The following GRM8 variants were observed in gnomAD, a reference collection of about 807,000 sequenced individuals.
GRM8 encodes glutamate metabotropic receptor 8, also known as metabotropic glutamate receptor 8.
In GRM8, 47 loss-of-function variants were observed where a neutral mutation model predicts 87.2. That is an observed-to-expected ratio of 0.54 (90% CI 0.43 to 0.69). The LOEUF is 0.69. Ranked by LOEUF, GRM8 falls within the 30% of genes least tolerant of loss-of-function variation. The pLI, the probability that GRM8 is intolerant of heterozygous loss-of-function variation, is 0.00. For synonymous variants in GRM8, 396 were observed against 404.5 expected, an observed-to-expected ratio of 0.98 and a Z score of 0.25; for missense variants, 1,019 against 1,139.2, an observed-to-expected ratio of 0.89 and a Z score of 1.52.
At chr7:127,160,693 C>T (rs1793052527) in intron 2 of GRM8, among the ~76,000 whole-genome samples, 1 of 152,018 alleles carries the variant, frequency 6.6e-6, no homozygotes, top group South Asian at 2.1e-4. Flanking sequence ...GAGAAAAAAG[C>T]AGTTTTCTGG....
intron 3 of GRM8, among the ~76,000 whole-genome samples, chr7:126,918,163 T>C (rs918694483): frequency 2.0e-5 from 3 of 152,232 alleles, no homozygotes; most frequent in South Asian, 2.1e-4. Flanking sequence ...TAAGATTTAC[T>C]GGTTCTTGCC....
At chr7:126,585,114 T>C (rs1456943881) in intron 8 of GRM8, among the ~76,000 whole-genome samples, 1 of 152,122 alleles carries the variant, frequency 6.6e-6, no homozygotes, top group Non-Finnish European at 1.5e-5. Flanking sequence ...ACAAACTTAT[T>C]AGAGTACCTT....
At chr7:126,655,976 C>T (rs28491014) in intron 7 of GRM8, among the ~76,000 whole-genome samples, 5,615 of 152,236 alleles carry the variant, frequency 0.037, 268 homozygotes, top group African/African-American at 0.11. Flanking sequence ...CTACTCAACC[C>T]TTTCTTCATA....
intron 7 of GRM8, among the ~76,000 whole-genome samples, chr7:126,675,554 GGT>G (rs1261860803): frequency 6.6e-6 from 1 of 152,056 alleles, no homozygotes; most frequent in Non-Finnish European, 1.5e-5. Context: ...CGATCAAGTG[GGT>G]TTCATCCTAA....
chr7:127,077,124 G>T (rs141089338), intron 3 of GRM8, among the ~76,000 whole-genome samples: 2 of 152,256 alleles, frequency 1.3e-5, no homozygotes, highest in Admixed American at 6.5e-5. Flanking sequence ...TGGAGTGTGT[G>T]TGCAGATGTG....
chr7:126,499,263 C>T (rs773976462), intron 9 of GRM8, among the ~76,000 whole-genome samples: 1 of 151,464 alleles, frequency 6.6e-6, no homozygotes, highest in Non-Finnish European at 1.5e-5. Flanking sequence ...AATGAGATGT[C>T]ACCTTCTACC....
chr7:126,908,450 T>C (rs1338073544), intron 3 of GRM8, among the ~76,000 whole-genome samples: 3 of 152,146 alleles, frequency 2.0e-5, no homozygotes, highest in Non-Finnish European at 2.9e-5. Flanking sequence ...TAGGGAACAA[T>C]AGCTGTTTCA....
chr7:126,826,334 A>C lies in GRM8; in HGVS notation c.1157-56269T>G, dbSNP rs1238091450. Among the ~76,000 whole-genome samples the C allele has an allele frequency of 1.2e-4, 18 of 152,282 alleles. No individual in the cohort carries two copies. In the East Asian group the frequency reaches 1.7e-3, roughly 15 times the overall value. On this transcript the variant is annotated intron_variant, in intron 6 of 10. Transcript: ENST00000339582. Reference sequence around the variant, plus strand: ...ATGGTTGAACTAGTTTACAGTCCCAACAACAGTGTAAAAGTTTCCTATTTC... The same window carrying C: ...ATGGTTGAACTAGTTTACAGTCCCACCAACAGTGTAAAAGTTTCCTATTTC...
At chr7:126,800,654 G>T (rs1822567377) in intron 6 of GRM8, among the ~76,000 whole-genome samples, 1 of 152,180 alleles carries the variant, frequency 6.6e-6, no homozygotes, top group East Asian at 1.9e-4. Flanking sequence ...TGGTATCCCA[G>T]CCAATAATTT....
intron 3 of GRM8, among the ~76,000 whole-genome samples, chr7:127,017,275 T>G (rs532259052): frequency 6.6e-6 from 1 of 152,154 alleles, no homozygotes; most frequent in East Asian, 1.9e-4. Flanking sequence ...CCAAATTATC[T>G]AAATTGATTA....
chr7:126,600,070 A>G (rs1257945120), intron 8 of GRM8, among the ~76,000 whole-genome samples: 1 of 152,206 alleles, frequency 6.6e-6, no homozygotes, highest in Non-Finnish European at 1.5e-5. Flanking sequence ...CTATGTCAAG[A>G]AACTATCCAG....
chr7:126,483,543 C>T (rs1806975990), intron 9 of GRM8, among the ~76,000 whole-genome samples: 1 of 120,596 alleles, frequency 8.3e-6, no homozygotes, highest in Admixed American at 1.1e-4. Flanking sequence ...CTGACAAAAA[C>T]CACTAATGCG....
At chr7:126,574,956 C>T (rs1033812702) in intron 8 of GRM8, among the ~76,000 whole-genome samples, 1 of 152,096 alleles carries the variant, frequency 6.6e-6, no homozygotes, top group Non-Finnish European at 1.5e-5. Flanking sequence ...TCTGTCAGCC[C>T]TATTGAATTC....
At chr7:126,544,544 T>G (rs192441362) in intron 8 of GRM8, among the ~76,000 whole-genome samples, 444 of 152,192 alleles carry the variant, frequency 2.9e-3, no homozygotes, top group Non-Finnish European at 5.2e-3. Context: ...AGAGTCTCAC[T>G]CTGTTGCCCA....
chr7:126,664,648 A>T (rs1342320074), intron 7 of GRM8, among the ~76,000 whole-genome samples: 2 of 152,260 alleles, frequency 1.3e-5, no homozygotes, highest in African/African-American at 4.8e-5. Context: ...AGTTAAATAT[A>T]AGACCTCAAA....
At chr7:126,904,471 G>A (rs201366507) in intron 4 of GRM8, 77 bp downstream of exon 4, 1 of 1,379,242 alleles carries the variant, frequency 7.3e-7, no homozygotes, top group Non-Finnish European at 1.0e-6. Flanking sequence ...AAGCTTTTAT[G>A]TTGAACATGA....
At chr7:126,789,114 A>G (rs1820991814) in intron 6 of GRM8, among the ~76,000 whole-genome samples, 1 of 152,212 alleles carries the variant, frequency 6.6e-6, no homozygotes, top group Non-Finnish European at 1.5e-5. Flanking sequence ...AGTATGATAC[A>G]TAACATGCAA....
At chr7:127,029,368 G>T (rs975827184) in intron 3 of GRM8, among the ~76,000 whole-genome samples, 10 of 152,206 alleles carry the variant, frequency 6.6e-5, no homozygotes, top group Admixed American at 2.6e-4. Context: ...GCAGAGCTGA[G>T]TTCAAGTCCT....
At chr7:127,226,931 C>T (rs912029506) in intron 2 of GRM8, among the ~76,000 whole-genome samples, 1 of 152,166 alleles carries the variant, frequency 6.6e-6, no homozygotes, top group South Asian at 2.1e-4. Flanking sequence ...TTTCCACTGG[C>T]ACACAAAGCT....
Sources: gnomAD v4.1 joint callset for allele counts (sites outside exome capture counted in the v4.1 genomes callset) on GRCh38, gnomAD v4.1.1 for gene constraint, MANE v1.5 for transcripts, NCBI Gene and HGNC (gene_info 2026-07-23, HGNC 2026-07-21) for gene names.